The following MYO18A variants were observed in gnomAD, a reference collection of about 807,000 sequenced individuals.
The protein encoded by MYO18A is myosin XVIIIA, also known as unconventional myosin-XVIIIa.
A neutral mutation model predicts 235.8 loss-of-function variants in MYO18A; 78 were observed. The observed-to-expected ratio is 0.33, with a 90% CI of 0.28 to 0.40. The LOEUF (loss-of-function observed/expected upper bound fraction) is 0.40. Ranked by LOEUF, MYO18A falls within the 10% of genes least tolerant of loss-of-function variation. The probability of loss-of-function intolerance (pLI) is 1.00; values close to 1 mark genes in which losing one functional copy is unlikely to be tolerated. For synonymous variants in MYO18A, 977 were observed against 1,077.8 expected (o/e 0.91, Z 1.83); for missense variants, 2,215 against 2,699.3 (o/e 0.82, Z 3.98).
chr17:29,081,731 G>A (rs758377909), intron 41 of MYO18A, among the ~76,000 whole-genome samples: 31 of 152,214 alleles, frequency 2.0e-4, no homozygotes, highest in Admixed American at 1.6e-3. Flanking sequence ...GATTCCAGGG[G>A]TAGCTGTCTG....
chr17:29,121,799 C>T lies in MYO18A; in HGVS notation c.1194+52G>A. On this transcript the variant is annotated intron_variant, in intron 4 of 41. Transcript: ENST00000527372. This position sits in a 1 kb window ranked among gnomAD's most constrained non-coding sequence, Gnocchi z 4.2. ...GCTGCCAGAGGATGGGCCTGCCCTG[C>T]CCAGTGCACTCCTGAGCCTCCTCCC... The T allele has an allele frequency of 6.2e-7, 1 of 1,611,550 alleles. No individual in the cohort carries two copies. Among genetic ancestry groups the T allele is most frequent in the Non-Finnish European group, 8.5e-7 (1 of 1,178,526 alleles).
At chr17:29,075,058 A>T (rs2065941907) in intron 41 of MYO18A, 144 bp from the exon 42 acceptor site, 1 of 906,774 alleles carries the variant, frequency 1.1e-6, no homozygotes, top group Non-Finnish European at 1.7e-6. Flanking sequence ...TCCTTGGCTT[A>T]CTTAGAAGAT....
At chr17:29,169,014 A>G (rs1487196948) in intron 1 of MYO18A, among the ~76,000 whole-genome samples, 1 of 152,118 alleles carries the variant, frequency 6.6e-6, no homozygotes, top group African/African-American at 2.4e-5. Context: ...TACTAAAAAT[A>G]CAAAAACTGG....
intron 2 of MYO18A, among the ~76,000 whole-genome samples, chr17:29,154,121 T>TGTGTGTGTGTGCGCACGCGCGC (rs142430455): frequency 4.0e-5 from 6 of 149,000 alleles, no homozygotes; most frequent in African/African-American, 1.5e-4. Context: ...TGTGTGTGTG[T>TGTGTGTGTGTGCGCACGCGCGC]GCGCGCGCGT....
At chr17:29,085,824 G>A (rs2066240167) in intron 39 of MYO18A, among the ~76,000 whole-genome samples, 176 bp from the exon 40 acceptor site, 1 of 152,194 alleles carries the variant, frequency 6.6e-6, no homozygotes, top group Non-Finnish European at 1.5e-5. Flanking sequence ...AATCTGATGC[G>A]GGCTGCCCCT....
chr17:29,176,913 T>G (rs1232405940), intron 1 of MYO18A, among the ~76,000 whole-genome samples: 2 of 152,028 alleles, frequency 1.3e-5, no homozygotes, highest in Non-Finnish European at 2.9e-5. Context: ...CCGCGGCGCC[T>G]CCCGCTGCGA....
chr17:29,161,414 C>A (rs2068170633), intron 2 of MYO18A, among the ~76,000 whole-genome samples: 1 of 149,994 alleles, frequency 6.7e-6, no homozygotes. Context: ...GTGGTCCCAG[C>A]TTCTCAGGAG....
chr17:29,116,547 T>C, intron 10 of MYO18A, 92 bp from the exon 11 acceptor site: 1 of 1,512,072 alleles, frequency 6.6e-7, no homozygotes. Context: ...GGAGGGACCG[T>C]GGGGCGGGGG....
chr17:29,110,076 T>C lies in MYO18A; in HGVS notation c.3113A>G (p.Lys1038Arg). Residue 1038 changes from lysine (K) to arginine (R), a missense_variant, in exon 19 of 42, where the codon AAG becomes AGG. By Grantham distance (26) the Lys-to-Arg change is conservative. Transcript: ENST00000527372. ...GCAGTGCACAAAATGCAGCTTTGAC[T>C]TCTTGATGGTGTCGATGAGGGCGTC... ...QVDALIDTIK[K>R]SKLHFVHCFL... 3 of 1,612,276 alleles carry C rather than the reference T, an allele frequency of 1.9e-6. No individual in the cohort carries two copies. Among genetic ancestry groups the C allele is most frequent in the Non-Finnish European group, 2.5e-6 (3 of 1,179,804 alleles).
rs763453924 is a variant in MYO18A at position 29,122,251 on chromosome 17, C to T, written c.1002G>A (p.Ala334=). 6.2e-6 allele frequency: 10 copies of T among 1,611,138 alleles called. No individual in the cohort carries two copies. The highest frequency in any genetic ancestry group is 4.0e-5 in the African/African-American group (3 of 74,890). The part of the protein sequence containing the change: ...GEGPRREPSD[A]KTEEQIAAEE... ...CTGCTGCAATCTGTTCTTCTGTTTT[C>T]GCCTGTCAGAGAGAGAGAAGAATAA... The change falls in exon 3 of 42, where the codon GCG becomes GCA. Residue 334 remains alanine (A), a splice_region_variant and synonymous_variant. Transcript: ENST00000527372.
intron 2 of MYO18A, among the ~76,000 whole-genome samples, chr17:29,163,039 T>G (rs918160688): frequency 6.6e-6 from 1 of 152,326 alleles, no homozygotes; most frequent in Admixed American, 6.5e-5. Flanking sequence ...GTCAGCTCCC[T>G]CAGAGCTCCC....
Position 29,114,887 on chromosome 17 carries a change from G to T in MYO18A, c.2511+20C>A. On this transcript the variant is annotated intron_variant, in intron 14 of 41. Coordinates refer to ENST00000527372, the MANE Select transcript of MYO18A (RefSeq NM_078471.4). ...AAGGCCAGAATCTGAGGCTAGATGA[G>T]GCCCAGGCCCCAGAGCTACCTCCTT... The T allele has an allele frequency of 1.9e-6, 3 of 1,603,516 alleles. No individual in the cohort carries two copies. Among genetic ancestry groups the T allele is most frequent in the Non-Finnish European group, 2.6e-6 (3 of 1,173,852 alleles).
At chr17:29,102,376 C>G (rs956015563) in intron 21 of MYO18A, among the ~76,000 whole-genome samples, 1 of 152,188 alleles carries the variant, frequency 6.6e-6, no homozygotes, top group Non-Finnish European at 1.5e-5. Context: ...TGAGTGGACC[C>G]AGGGAGAGAC....
chr17:29,127,114 ATCT>A (rs2152880034), intron 2 of MYO18A, among the ~76,000 whole-genome samples: 1 of 152,272 alleles, frequency 6.6e-6, no homozygotes, highest in Admixed American at 6.5e-5. Flanking sequence ...ATCATTTCTA[ATCT>A]TCTGGTTACT....
rs771435168 is a variant in MYO18A, at chr17:29,178,618, A to G, written c.-82+1695T>C. Among the ~76,000 whole-genome samples the G allele has an allele frequency of 3.4e-4, 52 of 152,216 alleles. 1 individual carries two copies. The highest frequency in any genetic ancestry group is 6.8e-3 in the Middle Eastern group (2 of 294). On this transcript the variant is annotated intron_variant, in intron 1 of 41. Coordinates refer to ENST00000527372, the MANE Select transcript of MYO18A (RefSeq NM_078471.4). Reference sequence around the variant, plus strand: ...GAAAGACTTCATCACAAAAAAACAGAGAGGAAGCTGAGGAGGTGGGAAGCC... The same window carrying G: ...GAAAGACTTCATCACAAAAAAACAGGGAGGAAGCTGAGGAGGTGGGAAGCC...
intron 2 of MYO18A, among the ~76,000 whole-genome samples, chr17:29,145,456 T>C (rs1014917824): frequency 3.9e-5 from 6 of 152,230 alleles, no homozygotes; most frequent in South Asian, 2.1e-4. Flanking sequence ...CAGGAGGCTC[T>C]GAGGGCTGGA....
intron 34 of MYO18A, chr17:29,091,898 G>A (rs1008997638): frequency 6.1e-6 from 2 of 325,550 alleles, no homozygotes; most frequent in Non-Finnish European, 1.2e-5. Context: ...AAATTAAAAG[G>A]GAGGCATTAA....
chr17:29,119,506 A>G (rs2067147959), intron 7 of MYO18A, 71 bp from the exon 8 acceptor site: 2 of 1,190,230 alleles, frequency 1.7e-6, no homozygotes, highest in African/African-American at 1.5e-5. Flanking sequence ...CCACATAAGA[A>G]GGAATCAAAC....
At position 29,107,512 on chromosome 17, in the gene MYO18A, A is replaced by G. The variant is rs566006049; in HGVS notation, c.3332-323T>C. 344 of 268,216 alleles carry G rather than the reference A, an allele frequency of 1.3e-3. 2 individuals carry two copies. The South Asian group carries it at 0.014, about 11-fold the overall frequency. The allele number at this position is 268,216 out of a possible 1,614,324, so 16.6% of individuals were successfully genotyped here. Reference sequence around the variant, plus strand: ...GTTGTGGGGTAGCTGACCAGCTGGGAGGAAGGCTACATCCCAATCCCCAAG... The same window carrying G: ...GTTGTGGGGTAGCTGACCAGCTGGGGGGAAGGCTACATCCCAATCCCCAAG... On this transcript the variant is annotated intron_variant, in intron 19 of 41. Coordinates refer to ENST00000527372, the MANE Select transcript of MYO18A (RefSeq NM_078471.4).
Sources: gnomAD v4.1 joint callset for allele counts (sites outside exome capture counted in the v4.1 genomes callset) on GRCh38, gnomAD v4.1.1 for gene constraint, Gnocchi (gnomAD v3.1) non-coding constraint, MANE v1.5 for transcripts, NCBI Gene and HGNC (gene_info 2026-07-23, HGNC 2026-07-21) for gene names.